Variants in KCTD8 observed in about 807,000 individuals in gnomAD.
KCTD8 encodes BTB/POZ domain-containing protein KCTD8.
Under a neutral mutation model 31.5 loss-of-function variants are expected in KCTD8, and 27 were observed. The ratio of observed to expected loss-of-function variants is 0.86; its 90% CI spans 0.63 to 1.18. KCTD8 has a LOEUF of 1.18. KCTD8 is among the 50% of genes most tolerant of loss of function. The pLI is 0.00. For missense variants in KCTD8, 658 were observed against 647.7 expected (o/e 1.02, Z -0.17); for synonymous variants, 290 against 280.0 (o/e 1.04, Z -0.36).
At chr4:44,440,772 C>T (rs1164480393) in intron 1 of KCTD8, among the ~76,000 whole-genome samples, 1 of 152,076 alleles carries the variant, frequency 6.6e-6, no homozygotes, top group African/African-American at 2.4e-5. Flanking sequence ...GATCAACATG[C>T]GAAAAGATCA....
chr4:44,218,124 C>CT (rs570521203), intron 1 of KCTD8, among the ~76,000 whole-genome samples: 1,929 of 91,544 alleles, frequency 0.021, 324 homozygotes, highest in African/African-American at 0.068. Context: ...TTAAAATGTC[C>CT]TTTTTTTTTT....
At chr4:44,441,360 A>G (rs577667640) in intron 1 of KCTD8, among the ~76,000 whole-genome samples, 1 of 152,300 alleles carries the variant, frequency 6.6e-6, no homozygotes, top group East Asian at 1.9e-4. Flanking sequence ...TTCTTTAACT[A>G]TAAAAATATT....
At chr4:44,352,451 G>T (rs4549420) in intron 1 of KCTD8, among the ~76,000 whole-genome samples, 2 of 146,274 alleles carry the variant, frequency 1.4e-5, no homozygotes, top group Admixed American at 6.9e-5. Flanking sequence ...AGAATAGAAT[G>T]GAAATAGTAA....
At chr4:44,442,694 G>A (rs1721842832) in intron 1 of KCTD8, among the ~76,000 whole-genome samples, 1 of 151,934 alleles carries the variant, frequency 6.6e-6, no homozygotes, top group Non-Finnish European at 1.5e-5. Context: ...AATAATTTAT[G>A]ACAGTCAAAT....
intron 1 of KCTD8, among the ~76,000 whole-genome samples, chr4:44,337,341 C>T (rs1718776133): frequency 6.6e-6 from 1 of 151,994 alleles, no homozygotes; most frequent in Admixed American, 6.6e-5. Context: ...AAAGTAAAAA[C>T]TATAACCTAA....
chr4:44,305,124 A>C (rs927020867), intron 1 of KCTD8, among the ~76,000 whole-genome samples: 31 of 152,174 alleles, frequency 2.0e-4, no homozygotes, highest in Non-Finnish European at 4.0e-4. Context: ...ATGTTAAAAT[A>C]ACTAGAATGA....
In KCTD8 at chr4:44,174,994, T is replaced by C; in HGVS notation, c.1218A>G (p.Lys406=). The C allele has an allele frequency of 6.2e-7, 1 of 1,614,092 alleles. No individual in the cohort carries two copies. Among genetic ancestry groups the C allele is most frequent in the Non-Finnish European group, 8.5e-7 (1 of 1,179,982 alleles). ...TCTGAAAGAGTTCACTGTTTCTGCG[T>C]TTGTCTGGTGGGGGTATCCATTGTA... ...APVQWIPPPD[K]RRNSELFQTL... is the part of the protein sequence containing the mutation. Residue 406 remains lysine (K), a synonymous_variant, in exon 2 of 2, where the codon AAA becomes AAG. Transcript: ENST00000360029.
Position 44,232,666 on chromosome 4 carries a change from A to G in KCTD8, c.962-57416T>C, listed in dbSNP as rs1715157391. 3.3e-5 allele frequency among the ~76,000 whole-genome samples: 5 copies of G among 152,192 alleles called. No homozygotes were observed. In the South Asian group the frequency reaches 1.0e-3, roughly 31 times the overall value. The stretch of plus-strand genomic sequence containing the variant: ...TTCTGAGATATGACAAAATAAATAG[A>G]TTGAGCTATTACAATGCTAGCTTAA... On this transcript the variant is annotated intron_variant, in intron 1 of 1. Transcript: ENST00000360029.
chr4:44,317,047 TA>T (rs1718147312), intron 1 of KCTD8, among the ~76,000 whole-genome samples: 1 of 150,720 alleles, frequency 6.6e-6, no homozygotes. Context: ...CTAAACTTGT[TA>T]GAGTAAGGAG....
rs529277838 is a variant in KCTD8, at chr4:44,349,433, G to A, written c.961+98130C>T. 6.0e-4 allele frequency among the ~76,000 whole-genome samples: 91 copies of A among 152,252 alleles called. 1 individual carries two copies. Among genetic ancestry groups the A allele is most frequent in the South Asian group, 4.1e-3 (20 of 4,826 alleles). ...AGAGCAAGGAATGCCCATTGCAATT[G>A]TCCAACATCGGGCAGGAATGACCAG... On this transcript the variant is annotated intron_variant, in intron 1 of 1. Transcript: ENST00000360029.
chr4:44,262,454 T>C (rs1241173613), intron 1 of KCTD8, among the ~76,000 whole-genome samples: 1 of 151,898 alleles, frequency 6.6e-6, no homozygotes, highest in Admixed American at 6.6e-5. Flanking sequence ...ATAAAAGACA[T>C]TAAAAATATA....
intron 1 of KCTD8, among the ~76,000 whole-genome samples, chr4:44,223,564 A>G (rs1415592607): frequency 6.6e-6 from 1 of 152,248 alleles, no homozygotes; most frequent in East Asian, 1.9e-4. Flanking sequence ...TTGAATATTT[A>G]CTATCTTTTC....
chr4:44,339,985 A>T (rs1718852591), intron 1 of KCTD8, among the ~76,000 whole-genome samples: 1 of 152,174 alleles, frequency 6.6e-6, no homozygotes, highest in Non-Finnish European at 1.5e-5. Flanking sequence ...GACCAGACAG[A>T]TCAAAAAGAA....
At chr4:44,397,098 C>A (rs1227964083) in intron 1 of KCTD8, among the ~76,000 whole-genome samples, 1 of 152,150 alleles carries the variant, frequency 6.6e-6, no homozygotes, top group East Asian at 1.9e-4. Flanking sequence ...GTTTAAGCCA[C>A]AGTTTCTCAG....
rs1337042267 is a variant in KCTD8 at position 44,235,561 on chromosome 4, ATATATATATATATATT to A, written c.962-60327_962-60312del. Among the ~76,000 whole-genome samples, 304 of 67,862 alleles carry A rather than the reference ATATATATATATATATT, an allele frequency of 4.5e-3. 2 individuals carry two copies. Among genetic ancestry groups the A allele is most frequent in the African/African-American group, 0.013 (209 of 16,218 alleles). The allele number at this position is 67,862 out of a possible 152,430, so 44.5% of individuals were successfully genotyped here. On this transcript the variant is annotated intron_variant, in intron 1 of 1. Coordinates refer to ENST00000360029, the MANE Select transcript of KCTD8 (RefSeq NM_198353.3). ...TATATATATATATATATATATATAT[ATATATATATATATATT>A]TAGAGAGAGAGAGAGAGAGAGAGAG...
At chr4:44,412,315 C>A (rs762026610) in intron 1 of KCTD8, among the ~76,000 whole-genome samples, 1 of 152,106 alleles carries the variant, frequency 6.6e-6, no homozygotes, top group Non-Finnish European at 1.5e-5. Flanking sequence ...AAGAAGTATG[C>A]GTAAATATTA....
At chr4:44,291,960 GAAAAA>G (rs571458412) in intron 1 of KCTD8, among the ~76,000 whole-genome samples, 3,156 of 88,400 alleles carry the variant, frequency 0.036, 113 homozygotes, top group African/African-American at 0.13. Context: ...TGGCTATTAT[GAAAAA>G]AAAAAAAAAA....
At chr4:44,395,773 C>T (rs1381102756) in intron 1 of KCTD8, among the ~76,000 whole-genome samples, 2 of 152,058 alleles carry the variant, frequency 1.3e-5, no homozygotes, top group Non-Finnish European at 2.9e-5. Flanking sequence ...AGCCCAGACA[C>T]TGGCTGGGGG....
intron 1 of KCTD8, among the ~76,000 whole-genome samples, chr4:44,180,375 G>A (rs1013712324): frequency 6.6e-6 from 1 of 151,900 alleles, no homozygotes; most frequent in Admixed American, 6.6e-5. Context: ...AGATAAATAG[G>A]TACACCTAGA....
Sources: gnomAD v4.1 joint callset for allele counts (sites outside exome capture counted in the v4.1 genomes callset) on GRCh38, gnomAD v4.1.1 for gene constraint, MANE v1.5 for transcripts, NCBI Gene and HGNC (gene_info 2026-07-23, HGNC 2026-07-21) for gene names.